WNT10A: variants seen among roughly 807,000 people sequenced by gnomAD.
WNT10A encodes the protein protein Wnt-10a.
Under a neutral mutation model 36.1 loss-of-function variants are expected in WNT10A, and 37 were observed. That is an observed-to-expected ratio of 1.02 (90% CI 0.79 to 1.35). The LOEUF (loss-of-function observed/expected upper bound fraction) is 1.35, where lower values mean the gene tolerates loss of function less well. WNT10A is among the 40% of genes most tolerant of loss of function. The probability of loss-of-function intolerance (pLI) is 0.00; values close to 1 mark genes in which losing one functional copy is unlikely to be tolerated. For missense variants in WNT10A, 613 were observed against 601.4 expected, an observed-to-expected ratio of 1.02 and a Z score of -0.20; for synonymous variants, 255 against 254.1, an observed-to-expected ratio of 1.00 and a Z score of -0.03.
At chr2:218,883,572 C>G (rs1214909146) in intron 2 of WNT10A, among the ~76,000 whole-genome samples, 2 of 150,784 alleles carry the variant, frequency 1.3e-5, no homozygotes, top group Non-Finnish European at 3.0e-5. Flanking sequence ...TCCCTCCTCC[C>G]TCCCCCGCGC....
intron 3 of WNT10A, among the ~76,000 whole-genome samples, chr2:218,891,612 G>GCCT (rs954552180): frequency 6.1e-4 from 93 of 151,934 alleles, no homozygotes; most frequent in African/African-American, 1.9e-3. Context: ...TACCAACGGT[G>GCCT]CCTCCTCCTC....
chr2:218,893,557 A>C lies in WNT10A; in HGVS notation c.*286A>C. ...GCTGGGGGTTGCTCCACACCCTAAA[A>C]CAAGCCTCAGCCAGGCAACCCGTCA... On this transcript the variant is annotated 3_prime_UTR_variant, in exon 4 of 4. Coordinates refer to ENST00000258411, the MANE Select transcript of WNT10A (RefSeq NM_025216.3). The surrounding 1 kb of genome is among the most constrained non-coding windows in gnomAD (Gnocchi z 6.3). The C allele has an allele frequency of 8.1e-6, 3 of 369,464 alleles. No individual in the cohort carries two copies. The highest frequency in any genetic ancestry group is 4.1e-5 in the East Asian group (1 of 24,564). 22.9% of individuals were successfully genotyped at this position (369,464 alleles called of 1,614,324 possible). A position where few individuals can be genotyped will look rare whatever the true frequency, so the allele number is the denominator to read the frequency against.
chr2:218,879,529 A>G (rs2106009728), upstream of WNT10A, among the ~76,000 whole-genome samples: 1 of 152,266 alleles, frequency 6.6e-6, no homozygotes, highest in Admixed American at 6.5e-5. Context: ...CACTTGCACT[A>G]TATCGAGGAG....
At position 218,893,406 on chromosome 2, in the gene WNT10A, C is replaced by T; in HGVS notation, c.*135C>T. The T allele has an allele frequency of 1.6e-6, 2 of 1,283,270 alleles. No individual in the cohort carries two copies. Among genetic ancestry groups the T allele is most frequent in the Non-Finnish European group, 2.1e-6 (2 of 958,176 alleles). The allele number at this position is 1,283,270 out of a possible 1,614,324, so 79.5% of individuals were successfully genotyped here. On this transcript the variant is annotated 3_prime_UTR_variant, in exon 4 of 4. Transcript: ENST00000258411. This position sits in a 1 kb window ranked among gnomAD's most constrained non-coding sequence, Gnocchi z 6.3. Reference sequence around the variant, plus strand: ...TTGGACCACATGATCTTATAGGAACCCCTCAGCTCTGAGGTCTGTGATCGC... The same window carrying T: ...TTGGACCACATGATCTTATAGGAACTCCTCAGCTCTGAGGTCTGTGATCGC...
chr2:218,882,821 G>A (rs867456731), intron 2 of WNT10A, among the ~76,000 whole-genome samples: 1 of 152,214 alleles, frequency 6.6e-6, no homozygotes, highest in Non-Finnish European at 1.5e-5. Flanking sequence ...AGCATGAGGA[G>A]GGGTTGAGGA....
chr2:218,890,042 G>A lies in WNT10A; in HGVS notation c.435G>A (p.Val145=). The A allele has an allele frequency of 1.2e-6, 2 of 1,614,016 alleles. No individual in the cohort carries two copies. Among genetic ancestry groups the A allele is most frequent in the South Asian group, 1.1e-5 (1 of 91,082 alleles). Residue 145 remains valine (V), a synonymous_variant, in exon 3 of 4, where the codon GTG becomes GTA. Coordinates refer to ENST00000258411, the MANE Select transcript of WNT10A (RefSeq NM_025216.3). The stretch of plus-strand genomic sequence containing the variant: ...CAGCAGCTGGCGTGGTGCACGCCGT[G>A]TCCAATGCGTGTGCCCTGGGCAAAC... The part of the protein sequence containing the change: ...AIAAAGVVHA[V]SNACALGKLK...
At chr2:218,884,217 A>C (rs971241064) in intron 2 of WNT10A, 1 of 151,838 alleles carries the variant, frequency 6.6e-6, no homozygotes, top group Non-Finnish European at 1.5e-5. Context: ...CTGCTGGAGG[A>C]CCTTGGGGTC....
chr2:218,876,176 CA>C (rs1263147900), upstream of WNT10A, among the ~76,000 whole-genome samples: 9 of 152,196 alleles, frequency 5.9e-5, no homozygotes, highest in African/African-American at 2.2e-4. Context: ...ACAGAAGTCC[CA>C]AGGAAGACCT....
chr2:218,880,758 C>A, upstream of WNT10A: 1 of 475,472 alleles, frequency 2.1e-6, no homozygotes, highest in Non-Finnish European at 3.7e-6. This position sits in a 1 kb window ranked among gnomAD's most constrained non-coding sequence, Gnocchi z 7.7. Context: ...GACCCCTGTG[C>A]CAGGAGGTGC....
At position 218,893,555 on chromosome 2, in the gene WNT10A, A is replaced by C. The variant is rs748708833; in HGVS notation, c.*284A>C. The C allele has an allele frequency of 1.1e-5, 4 of 377,942 alleles. No individual in the cohort carries two copies. Among genetic ancestry groups the C allele is most frequent in the East Asian group, 4.0e-5 (1 of 25,292 alleles). 23.4% of individuals were successfully genotyped at this position (377,942 alleles called of 1,614,324 possible). A position where few individuals can be genotyped will look rare whatever the true frequency, so the allele number is the denominator to read the frequency against. ...GGGCTGGGGGTTGCTCCACACCCTA[A>C]AACAAGCCTCAGCCAGGCAACCCGT... On this transcript the variant is annotated 3_prime_UTR_variant, in exon 4 of 4. Coordinates refer to ENST00000258411, the MANE Select transcript of WNT10A (RefSeq NM_025216.3). The surrounding 1 kb of genome is among the most constrained non-coding windows in gnomAD (Gnocchi z 6.3).
chr2:218,877,052 G>C (rs1559410769), upstream of WNT10A, among the ~76,000 whole-genome samples: 1 of 152,216 alleles, frequency 6.6e-6, no homozygotes, highest in African/African-American at 2.4e-5. The surrounding 1 kb of genome is among the most constrained non-coding windows in gnomAD (Gnocchi z 4.1). Context: ...AGATAGGGTG[G>C]AAGATGCTGG....
rs1461552671 is a variant in WNT10A at position 218,889,881 on chromosome 2, A to G, written c.377-103A>G. On this transcript the variant is annotated intron_variant, in intron 2 of 3. Transcript: ENST00000258411. ...GTTTCCTTGTGCCAGACTCTCCTGC[A>G]TACTGGGCTTCAGTTTCTCCTTGGA... 11 of 1,579,908 alleles carry G rather than the reference A, an allele frequency of 7.0e-6. 1 individual carries two copies. In the South Asian group the frequency reaches 8.9e-5, roughly 13 times the overall value.
At chr2:218,888,663 T>C (rs556094903) in intron 2 of WNT10A, among the ~76,000 whole-genome samples, 8 of 152,314 alleles carry the variant, frequency 5.3e-5, no homozygotes, top group African/African-American at 1.9e-4. Context: ...GGATGTCCTG[T>C]GGACAAGCAA....
At position 218,882,341 on chromosome 2, in the gene WNT10A, C is replaced by T; in HGVS notation, c.294C>T (p.His98=). The T allele has an allele frequency of 1.2e-6, 2 of 1,614,176 alleles. No homozygotes were observed. Among genetic ancestry groups the T allele is most frequent in the Non-Finnish European group, 1.7e-6 (2 of 1,180,026 alleles). ...GIQIAIHECQ[H]QFRDQRWNCS... Reference sequence around the variant, plus strand: ...AGATCGCCATCCACGAATGCCAACACCAATTCAGGGACCAGCGCTGGAACT... The same window carrying T: ...AGATCGCCATCCACGAATGCCAACATCAATTCAGGGACCAGCGCTGGAACT... The change falls in exon 2 of 4, where the codon CAC becomes CAT. Residue 98 remains histidine, a synonymous_variant. Coordinates refer to ENST00000258411, the MANE Select transcript of WNT10A (RefSeq NM_025216.3).
At chr2:218,878,098 C>T (rs996739994), upstream of WNT10A, among the ~76,000 whole-genome samples, 17 of 152,246 alleles carry the variant, frequency 1.1e-4, no homozygotes, top group Admixed American at 7.8e-4. This position sits in a 1 kb window ranked among gnomAD's most constrained non-coding sequence, Gnocchi z 4.1. Context: ...TGGTCTTAGG[C>T]GGCGGCTGCG....
chr2:218,893,595 C>G lies in WNT10A; in HGVS notation c.*324C>G, dbSNP rs973971582. Reference sequence around the variant, plus strand: ...AGGCAACCCGTCAGTCTGTCTCCATCCTTTCACCCCTTCCCTGGAGATGGG... The same window carrying G: ...AGGCAACCCGTCAGTCTGTCTCCATGCTTTCACCCCTTCCCTGGAGATGGG... On this transcript the variant is annotated 3_prime_UTR_variant, in exon 4 of 4. Coordinates refer to ENST00000258411, the MANE Select transcript of WNT10A (RefSeq NM_025216.3). This position sits in a 1 kb window ranked among gnomAD's most constrained non-coding sequence, Gnocchi z 6.3. The G allele has an allele frequency of 2.2e-5, 7 of 318,136 alleles. No homozygotes were observed. Among genetic ancestry groups the G allele is most frequent in the Admixed American group, 9.8e-5 (2 of 20,438 alleles). 19.7% of individuals were successfully genotyped at this position (318,136 alleles called of 1,614,324 possible).
intron 1 of WNT10A, 64 bp downstream of exon 1, chr2:218,881,172 G>A: frequency 6.5e-6 from 10 of 1,548,984 alleles, no homozygotes; most frequent in Admixed American, 2.0e-5. Flanking sequence ...AGGGGCCTCT[G>A]ATGCTCTTGC....
At chr2:218,874,174 G>C in the WNT10A span, 1 of 332,530 alleles carries the variant, frequency 3.0e-6, no homozygotes, top group African/African-American at 2.1e-5. Context: ...GGGCTCCCCA[G>C]AACTGCTGGC....
At chr2:218,879,598 A>G (rs895910917), upstream of WNT10A, among the ~76,000 whole-genome samples, 4 of 152,128 alleles carry the variant, frequency 2.6e-5, no homozygotes, top group Non-Finnish European at 5.9e-5. Flanking sequence ...AGTAGACCTG[A>G]GCCAGGAGGC....
Sources: gnomAD v4.1 joint callset for allele counts (sites outside exome capture counted in the v4.1 genomes callset) on GRCh38, gnomAD v4.1.1 for gene constraint, Gnocchi (gnomAD v3.1) non-coding constraint, MANE v1.5 for transcripts, NCBI Gene and HGNC (gene_info 2026-07-23, HGNC 2026-07-21) for gene names.